Variants in SLC25A15 observed in about 807,000 individuals in gnomAD.
SLC25A15 encodes the protein solute carrier family 25 member 15.
In SLC25A15, 24 loss-of-function variants were observed where a neutral mutation model predicts 32.3. That is an observed-to-expected ratio of 0.74 (90% CI 0.54 to 1.04). SLC25A15 has a LOEUF of 1.04. SLC25A15 is among the 50% of genes least tolerant of loss of function. SLC25A15 has a pLI of 0.00. For synonymous variants in SLC25A15, 132 were observed against 142.1 expected (o/e 0.93, Z 0.51); for missense variants, 317 against 374.5 (o/e 0.85, Z 1.27).
At chr13:40,792,799 T>G (rs1328348570) in intron 1 of SLC25A15, among the ~76,000 whole-genome samples, 1 of 152,188 alleles carries the variant, frequency 6.6e-6, no homozygotes, top group Non-Finnish European at 1.5e-5. Context: ...GCTGTCTGAA[T>G]TTAGAACTGA....
chr13:40,792,416 A>G (rs1324364408), intron 1 of SLC25A15, among the ~76,000 whole-genome samples: 1 of 152,182 alleles, frequency 6.6e-6, no homozygotes, highest in African/African-American at 2.4e-5. Flanking sequence ...TTATTTAGCA[A>G]GGCCCCCAGG....
intron 3 of SLC25A15, among the ~76,000 whole-genome samples, chr13:40,799,965 T>C (rs1024406123): frequency 6.6e-6 from 1 of 152,240 alleles, no homozygotes; most frequent in Non-Finnish European, 1.5e-5. Flanking sequence ...TTTGCCTCTT[T>C]GTTGGTCTTG....
rs2297014 is a variant in SLC25A15 at position 40,798,824 on chromosome 13, G to A, written c.56-233G>A. ...CACTGTTTGCCGCTGTTGAACACAT[G>A]TCTGTCTCTCTCCCCTGCCTGGCAT... On this transcript the variant is annotated intron_variant, in intron 2 of 6. Coordinates refer to ENST00000338625, the MANE Select transcript of SLC25A15 (RefSeq NM_014252.4). The A allele has an allele frequency of 0.17, 164,794 of 966,876 alleles. 14,859 individuals carry two copies. Among genetic ancestry groups the A allele is most frequent in the South Asian group, 0.27 (5,598 of 21,124 alleles). The allele number at this position is 966,876 out of a possible 1,614,324, so 59.9% of individuals were successfully genotyped here. A position where few individuals can be genotyped will look rare whatever the true frequency, so the allele number is the denominator to read the frequency against.
rs1178756988 is a variant in SLC25A15 at position 40,793,167 on chromosome 13, G to T, written c.-60G>T. Reference sequence around the variant, plus strand: ...TCTTGCCTCCCCCCAGGGATATGTGGTGCCTGTCATAAGCTCCAGAGAGCT... The same window carrying T: ...TCTTGCCTCCCCCCAGGGATATGTGTTGCCTGTCATAAGCTCCAGAGAGCT... On this transcript the variant is annotated 5_prime_UTR_variant, in exon 2 of 7. Coordinates refer to ENST00000338625, the MANE Select transcript of SLC25A15 (RefSeq NM_014252.4). The T allele has an allele frequency of 1.3e-5, 20 of 1,566,376 alleles. No homozygotes were observed. The highest frequency in any genetic ancestry group is 1.8e-5 in the Non-Finnish European group (20 of 1,137,590).
chr13:40,790,420 CA>C (rs1461305530), intron 1 of SLC25A15, among the ~76,000 whole-genome samples: 1 of 152,188 alleles, frequency 6.6e-6, no homozygotes, highest in Non-Finnish European at 1.5e-5. Context: ...GCTCATAAAT[CA>C]ATTTTAATTC....
chr13:40,806,850 C>T (rs577016720), intron 4 of SLC25A15, among the ~76,000 whole-genome samples: 1 of 152,194 alleles, frequency 6.6e-6, no homozygotes, highest in Non-Finnish European at 1.5e-5. Flanking sequence ...AAGAAATTCT[C>T]CCGCATCCCT....
rs1218133845 is a variant in SLC25A15 at position 40,809,689 on chromosome 13, C to T, written c.*22C>T. On this transcript the variant is annotated 3_prime_UTR_variant, in exon 7 of 7. Coordinates refer to ENST00000338625, the MANE Select transcript of SLC25A15 (RefSeq NM_014252.4). ...CTGAAGTGTCTTGGTGGGCCTGAGC[C>T]AAGCACAGGTGTTTGAGGACTACAG... is the stretch of plus-strand genomic sequence containing the variant. 1 of 1,612,198 alleles carries T rather than the reference C, an allele frequency of 6.2e-7. No homozygotes were observed. Among genetic ancestry groups the T allele is most frequent in the Non-Finnish European group, 8.5e-7 (1 of 1,179,368 alleles).
intron 2 of SLC25A15, among the ~76,000 whole-genome samples, chr13:40,795,051 G>A (rs1292282983): frequency 1.3e-5 from 2 of 152,158 alleles, no homozygotes; most frequent in Admixed American, 1.3e-4. Flanking sequence ...CCAGGGAACG[G>A]AAGGCCAGTG....
At chr13:40,797,907 C>T (rs776698069) in intron 2 of SLC25A15, among the ~76,000 whole-genome samples, 6 of 152,194 alleles carry the variant, frequency 3.9e-5, no homozygotes, top group African/African-American at 4.8e-5. Context: ...GCAGTTCCCA[C>T]GACGCCAACC....
At chr13:40,791,364 A>ATTT (rs1426008130) in intron 1 of SLC25A15, among the ~76,000 whole-genome samples, 2 of 127,904 alleles carry the variant, frequency 1.6e-5, no homozygotes, top group African/African-American at 6.7e-5. Context: ...TATTATTATT[A>ATTT]TTTTTTTTTT....
chr13:40,790,200 G>A (rs1881430693), intron 1 of SLC25A15, among the ~76,000 whole-genome samples: 1 of 149,536 alleles, frequency 6.7e-6, no homozygotes, highest in Non-Finnish European at 1.5e-5. Flanking sequence ...TTAGCCAGAA[G>A]CTGGGATCTT....
intron 4 of SLC25A15, 123 bp from the exon 5 acceptor site, chr13:40,807,171 T>A: frequency 1.1e-6 from 1 of 919,726 alleles, no homozygotes; most frequent in Non-Finnish European, 1.8e-6. Flanking sequence ...TGGCTCTTCA[T>A]TTACAAAATC....
chr13:40,809,534 AT>A lies in SLC25A15; in HGVS notation c.782-6del, dbSNP rs759033367. The stretch of plus-strand genomic sequence containing the variant: ...TGTTGCAGTCTTTGACCGCCCTTTT[AT>A]TTGCTAGGAATAACGGCCTTATATT... On this transcript the variant is annotated splice_polypyrimidine_tract_variant and splice_region_variant and intron_variant, in intron 6 of 6. Transcript: ENST00000338625. 1.2e-5 allele frequency: 19 copies of A among 1,611,770 alleles called. No individual in the cohort carries two copies. The highest frequency in any genetic ancestry group is 1.6e-5 in the Non-Finnish European group (19 of 1,179,802).
chr13:40,808,293 T>C (rs1210014127), intron 5 of SLC25A15, 145 bp from the exon 6 acceptor site: 1 of 777,766 alleles, frequency 1.3e-6, no homozygotes, highest in Non-Finnish European at 2.2e-6. Flanking sequence ...ACAAGAGCTT[T>C]GACAGTTTTC....
intron 3 of SLC25A15, among the ~76,000 whole-genome samples, chr13:40,803,173 C>T (rs1458625187): frequency 6.6e-6 from 1 of 151,924 alleles, no homozygotes; most frequent in Non-Finnish European, 1.5e-5. Flanking sequence ...CAGGAACTCG[C>T]AGAGAAGCCT....
chr13:40,802,453 T>C (rs908950345), intron 3 of SLC25A15, among the ~76,000 whole-genome samples: 2 of 152,220 alleles, frequency 1.3e-5, no homozygotes, highest in Admixed American at 1.3e-4. Flanking sequence ...CCTCTGGCCA[T>C]GGTACAGAAG....
At chr13:40,809,160 T>C (rs1443288880) in intron 6 of SLC25A15, among the ~76,000 whole-genome samples, 1 of 152,208 alleles carries the variant, frequency 6.6e-6, no homozygotes, top group African/African-American at 2.4e-5. Flanking sequence ...ACTAATACTA[T>C]ACACAGGTCT....
chr13:40,807,021 C>A (rs1882212661), intron 4 of SLC25A15, among the ~76,000 whole-genome samples: 1 of 152,184 alleles, frequency 6.6e-6, no homozygotes, highest in South Asian at 2.1e-4. Context: ...CAAAAACACA[C>A]CAGAAAGATT....
At chr13:40,790,959 A>G (rs1384874544) in intron 1 of SLC25A15, among the ~76,000 whole-genome samples, 1 of 152,056 alleles carries the variant, frequency 6.6e-6, no homozygotes, top group Non-Finnish European at 1.5e-5. Flanking sequence ...GATAGAATGT[A>G]ATGTGATGTG....
Sources: allele counts gnomAD v4.1 joint callset (sites outside exome capture counted in the v4.1 genomes callset), GRCh38; gene constraint gnomAD v4.1.1; transcripts MANE v1.5; gene names NCBI Gene and HGNC (gene_info 2026-07-23, HGNC 2026-07-21).